Variants in FGGY observed in about 807,000 individuals in gnomAD.
FGGY encodes the protein FGGY carbohydrate kinase domain-containing protein.
Under a neutral mutation model 71.3 loss-of-function variants are expected in FGGY, and 72 were observed. That is an observed-to-expected ratio of 1.01 (90% CI 0.84 to 1.23). The LOEUF (loss-of-function observed/expected upper bound fraction) is 1.23. Among genes scored for constraint, FGGY ranks in the 50% most tolerant of loss-of-function variants. The probability of loss-of-function intolerance (pLI) is 0.00; values close to 1 mark genes in which losing one functional copy is unlikely to be tolerated. For synonymous variants in FGGY, 251 were observed against 250.3 expected, an observed-to-expected ratio of 1.00 and a Z score of -0.02; for missense variants, 668 against 682.3, an observed-to-expected ratio of 0.98 and a Z score of 0.23.
intron 14 of FGGY, among the ~76,000 whole-genome samples, chr1:59,749,195 T>C (rs1362077918): frequency 6.6e-6 from 1 of 152,188 alleles, no homozygotes; most frequent in South Asian, 2.1e-4. Context: ...CTGAATTTTA[T>C]CCTTTATAAT....
chr1:59,389,357 A>G (rs925625391), intron 5 of FGGY, among the ~76,000 whole-genome samples: 38 of 152,204 alleles, frequency 2.5e-4, no homozygotes, highest in African/African-American at 8.7e-4. Flanking sequence ...TTCACTTAAC[A>G]TAATGTTTTC....
chr1:59,452,093 T>TA (rs2072881642), intron 5 of FGGY, among the ~76,000 whole-genome samples: 1 of 151,132 alleles, frequency 6.6e-6, no homozygotes, highest in African/African-American at 2.4e-5. Context: ...TTTTTTTTTT[T>TA]ATTCCTTTTC....
intron 6 of FGGY, among the ~76,000 whole-genome samples, chr1:59,500,107 A>G (rs144358258): frequency 6.6e-6 from 1 of 152,334 alleles, no homozygotes; most frequent in African/African-American, 2.4e-5. Flanking sequence ...GGACAACGGC[A>G]TAGAAGGTGG....
At chr1:59,399,727 A>G (rs902221828) in intron 5 of FGGY, among the ~76,000 whole-genome samples, 3 of 152,236 alleles carry the variant, frequency 2.0e-5, no homozygotes, top group East Asian at 1.9e-4. Context: ...TATGCCATGC[A>G]TATATCTTTA....
chr1:59,424,414 G>A (rs2065980246), intron 5 of FGGY, among the ~76,000 whole-genome samples: 1 of 152,180 alleles, frequency 6.6e-6, no homozygotes. Context: ...GGACGTGGTG[G>A]CACACGCCTG....
intron 14 of FGGY, among the ~76,000 whole-genome samples, chr1:59,735,165 G>A (rs975008180): frequency 2.6e-5 from 4 of 152,016 alleles, no homozygotes; most frequent in African/African-American, 4.8e-5. Context: ...ACACACATAC[G>A]CACACAAAAA....
chr1:59,601,798 CAAT>C (rs1352624555), intron 8 of FGGY, among the ~76,000 whole-genome samples: 2 of 152,084 alleles, frequency 1.3e-5, no homozygotes, highest in African/African-American at 4.8e-5. Flanking sequence ...AGTGTGTATC[CAAT>C]AATATTTACT....
chr1:59,479,837 G>A (rs1569669947), intron 6 of FGGY, among the ~76,000 whole-genome samples: 1 of 152,256 alleles, frequency 6.6e-6, no homozygotes, highest in East Asian at 1.9e-4. Context: ...TTCTCCAGCA[G>A]CACTCAGCAT....
chr1:59,591,075 A>G (rs1431900051), intron 8 of FGGY, among the ~76,000 whole-genome samples: 1 of 152,228 alleles, frequency 6.6e-6, no homozygotes, highest in African/African-American at 2.4e-5. Flanking sequence ...CAAGCTGATA[A>G]GCAACTTCAG....
At chr1:59,540,241 C>T (rs664903) in intron 7 of FGGY, among the ~76,000 whole-genome samples, 127 of 152,282 alleles carry the variant, frequency 8.3e-4, no homozygotes, top group African/African-American at 2.9e-3. Context: ...TATTCTTAGA[C>T]ATATATCCAA....
chr1:59,679,056 G>C (rs2097466383), intron 14 of FGGY, among the ~76,000 whole-genome samples: 1 of 152,218 alleles, frequency 6.6e-6, no homozygotes, highest in Admixed American at 6.5e-5. Flanking sequence ...GTTGAGAGCT[G>C]TGATTACTCA....
At chr1:59,353,932 C>T (rs1050704327) in intron 4 of FGGY, among the ~76,000 whole-genome samples, 7 of 151,870 alleles carry the variant, frequency 4.6e-5, no homozygotes, top group South Asian at 2.1e-4. Flanking sequence ...ACAGAGCAAC[C>T]AAGCAGTAAG....
intron 14 of FGGY, among the ~76,000 whole-genome samples, chr1:59,701,062 C>T (rs1329620966): frequency 3.9e-5 from 6 of 152,192 alleles, no homozygotes; most frequent in African/African-American, 7.2e-5. Flanking sequence ...TCTAGTTTCA[C>T]TGAATTCAAA....
At chr1:59,368,961 G>T (rs1019698392) in intron 4 of FGGY, among the ~76,000 whole-genome samples, 1 of 152,142 alleles carries the variant, frequency 6.6e-6, no homozygotes, top group Non-Finnish European at 1.5e-5. Flanking sequence ...AACAGCTCCG[G>T]TCTACAGCTC....
intron 9 of FGGY, among the ~76,000 whole-genome samples, chr1:59,616,123 A>T (rs2096750375): frequency 6.6e-6 from 1 of 152,226 alleles, no homozygotes; most frequent in Non-Finnish European, 1.5e-5. Context: ...TGACCCAGCC[A>T]TCCCATTACT....
At chr1:59,372,546 C>A (rs975318788) in intron 4 of FGGY, among the ~76,000 whole-genome samples, 1 of 152,288 alleles carries the variant, frequency 6.6e-6, no homozygotes, top group East Asian at 1.9e-4. Flanking sequence ...GGAATCCTCC[C>A]TAACTCATTT....
chr1:59,504,283 G>C (rs2094319351), intron 6 of FGGY, among the ~76,000 whole-genome samples: 1 of 152,138 alleles, frequency 6.6e-6, no homozygotes, highest in Admixed American at 6.5e-5. Flanking sequence ...CAATAAACGT[G>C]TTTCCCTGAG....
intron 14 of FGGY, among the ~76,000 whole-genome samples, chr1:59,709,421 A>G (rs2097777992): frequency 2.0e-5 from 3 of 151,812 alleles, no homozygotes; most frequent in Admixed American, 2.0e-4. Context: ...CGTGGGGATT[A>G]CAATTTGAGA....
chr1:59,434,381 T>C (rs996266551), intron 5 of FGGY, among the ~76,000 whole-genome samples: 4 of 152,204 alleles, frequency 2.6e-5, no homozygotes, highest in African/African-American at 9.6e-5. Flanking sequence ...CATTTGTATT[T>C]GTGACAGACA....
Sources: gnomAD v4.1 joint callset for allele counts (sites outside exome capture counted in the v4.1 genomes callset) on GRCh38, gnomAD v4.1.1 for gene constraint, MANE v1.5 for transcripts, NCBI Gene and HGNC (gene_info 2026-07-23, HGNC 2026-07-21) for gene names.